CCSER1: variants seen among roughly 807,000 people sequenced by gnomAD.
CCSER1 encodes the protein serine-rich coiled-coil domain-containing protein 1.
In CCSER1, 41 loss-of-function variants were observed where a neutral mutation model predicts 82.0. That is an observed-to-expected ratio of 0.50 (90% CI 0.39 to 0.65). CCSER1 has a LOEUF of 0.65. CCSER1 is among the 30% of genes least tolerant of loss of function. CCSER1 has a pLI of 0.00. For synonymous variants in CCSER1, 414 were observed against 383.9 expected (o/e 1.08, Z -0.92); for missense variants, 1,119 against 1,064.2 (o/e 1.05, Z -0.72).
chr4:90,315,923 T>G (rs1409568332), intron 3 of CCSER1, among the ~76,000 whole-genome samples: 2 of 152,244 alleles, frequency 1.3e-5, no homozygotes, highest in Non-Finnish European at 2.9e-5. Flanking sequence ...ACAAGTGATG[T>G]ATATTTGGAA....
At chr4:90,390,768 G>C (rs987237180) in intron 3 of CCSER1, among the ~76,000 whole-genome samples, 1 of 151,972 alleles carries the variant, frequency 6.6e-6, no homozygotes, top group African/African-American at 2.4e-5. Flanking sequence ...ATATCTTTTT[G>C]GTAGAATTAT....
At chr4:91,065,167 AAG>A (rs1191786457) in intron 9 of CCSER1, among the ~76,000 whole-genome samples, 7 of 152,260 alleles carry the variant, frequency 4.6e-5, no homozygotes, top group African/African-American at 1.7e-4. Context: ...AGTATAAGGA[AAG>A]AGAATGTGAG....
intron 10 of CCSER1, among the ~76,000 whole-genome samples, chr4:91,329,822 TAG>T (rs1331617333): frequency 1.3e-5 from 2 of 151,972 alleles, no homozygotes; most frequent in African/African-American, 4.8e-5. Flanking sequence ...TACTCCTTGC[TAG>T]AGTTATAATC....
At chr4:90,454,047 C>T (rs1761847736) in intron 4 of CCSER1, among the ~76,000 whole-genome samples, 1 of 152,124 alleles carries the variant, frequency 6.6e-6, no homozygotes, top group African/African-American at 2.4e-5. Context: ...GTCTTCCCTC[C>T]AGTGGTCTCC....
intron 3 of CCSER1, among the ~76,000 whole-genome samples, chr4:90,320,936 A>G (rs2153487117): frequency 6.6e-6 from 1 of 152,244 alleles, no homozygotes; most frequent in Non-Finnish European, 1.5e-5. Flanking sequence ...TTACAGGTAC[A>G]TAATAGGTGG....
chr4:90,602,450 A>G (rs528573166), intron 5 of CCSER1, among the ~76,000 whole-genome samples: 4 of 152,192 alleles, frequency 2.6e-5, no homozygotes, highest in Non-Finnish European at 5.9e-5. Context: ...GCTTGATCAG[A>G]TTTGACAAAT....
chr4:91,524,466 C>T (rs1445933705), intron 10 of CCSER1, among the ~76,000 whole-genome samples: 1 of 152,190 alleles, frequency 6.6e-6, no homozygotes, highest in African/African-American at 2.4e-5. Flanking sequence ...TGGCTTACTC[C>T]TAGCATGTAC....
intron 5 of CCSER1, among the ~76,000 whole-genome samples, chr4:90,479,054 T>C (rs1250639242): frequency 6.6e-6 from 1 of 152,158 alleles, no homozygotes; most frequent in Non-Finnish European, 1.5e-5. Flanking sequence ...TTCTTTTAAA[T>C]TACTTTAATT....
intron 10 of CCSER1, among the ~76,000 whole-genome samples, chr4:91,162,865 T>C (rs1731583164): frequency 6.6e-6 from 1 of 152,188 alleles, no homozygotes; most frequent in African/African-American, 2.4e-5. Context: ...ATTTTGTTGA[T>C]CTTTTCAAAA....
chr4:90,809,587 C>A (rs1346310753), intron 7 of CCSER1, among the ~76,000 whole-genome samples: 1 of 151,892 alleles, frequency 6.6e-6, no homozygotes, highest in Non-Finnish European at 1.5e-5. Context: ...GTACAATGTA[C>A]ACTATTTAAG....
intron 10 of CCSER1, among the ~76,000 whole-genome samples, chr4:91,375,439 G>A (rs1750340511): frequency 1.3e-5 from 2 of 151,790 alleles, no homozygotes. Flanking sequence ...TGGGTAAAAT[G>A]TTATCAAACA....
chr4:91,307,144 G>A (rs1435461227), intron 10 of CCSER1, among the ~76,000 whole-genome samples: 3 of 151,746 alleles, frequency 2.0e-5, no homozygotes, highest in African/African-American at 7.3e-5. Flanking sequence ...TTTTGAAAGA[G>A]TTGTGGTTAT....
intron 5 of CCSER1, among the ~76,000 whole-genome samples, chr4:90,579,866 G>A (rs1781235695): frequency 6.6e-6 from 1 of 151,914 alleles, no homozygotes; most frequent in African/African-American, 2.4e-5. Flanking sequence ...AGCTGAGAAG[G>A]ATTTTTTTTT....
intron 4 of CCSER1, among the ~76,000 whole-genome samples, chr4:90,408,547 C>A (rs1018082143): frequency 2.0e-5 from 3 of 152,208 alleles, no homozygotes; most frequent in Admixed American, 6.5e-5. Context: ...CTCCAGTAAA[C>A]TCCAACAGAT....
intron 10 of CCSER1, among the ~76,000 whole-genome samples, chr4:91,246,020 A>G (rs1358510573): frequency 1.3e-5 from 2 of 152,196 alleles, no homozygotes; most frequent in Non-Finnish European, 2.9e-5. Flanking sequence ...ATGAGCAAGA[A>G]GAAATCATCT....
intron 1 of CCSER1, among the ~76,000 whole-genome samples, chr4:90,264,126 T>G (rs903995292): frequency 6.6e-6 from 1 of 152,238 alleles, no homozygotes; most frequent in African/African-American, 2.4e-5. Flanking sequence ...AATTTCCTTA[T>G]GAGCATAATC....
At chr4:90,128,595 G>A (rs1722260695) in intron 1 of CCSER1, among the ~76,000 whole-genome samples, 1 of 152,144 alleles carries the variant, frequency 6.6e-6, no homozygotes, top group African/African-American at 2.4e-5. Flanking sequence ...GAAACCGCAT[G>A]TGGCCCCCTG....
At position 90,514,293 on chromosome 4, in the gene CCSER1, A is replaced by G. The variant is rs554384507; in HGVS notation, c.1724+45939A>G. 9.2e-5 allele frequency among the ~76,000 whole-genome samples: 14 copies of G among 152,268 alleles called. No homozygotes were observed. In the South Asian group the frequency reaches 2.1e-3, roughly 23 times the overall value. On this transcript the variant is annotated intron_variant, in intron 5 of 10. Transcript: ENST00000509176. ...AATTATTTTCAGTGATTAAAGATAA[A>G]TTTTATCAGTGCATTGCCTTTGATA...
At chr4:90,650,589 C>T (rs1439573015) in intron 6 of CCSER1, among the ~76,000 whole-genome samples, 1 of 152,154 alleles carries the variant, frequency 6.6e-6, no homozygotes, top group Non-Finnish European at 1.5e-5. Context: ...TCTTCAACAG[C>T]TAATATCTAC....
Sources: allele counts gnomAD v4.1 joint callset (sites outside exome capture counted in the v4.1 genomes callset), GRCh38; gene constraint gnomAD v4.1.1; transcripts MANE v1.5; gene names NCBI Gene and HGNC (gene_info 2026-07-23, HGNC 2026-07-21).